Variants in NUP85 observed in about 807,000 individuals in gnomAD.
NUP85 encodes the protein nuclear pore complex protein Nup85.
In NUP85, 23 loss-of-function variants were observed where a neutral mutation model predicts 92.8. The ratio of observed to expected loss-of-function variants is 0.25; its 90% CI spans 0.18 to 0.35. The LOEUF is 0.35. NUP85 is among the 10% of genes least tolerant of loss of function. The pLI, the probability that NUP85 is intolerant of heterozygous loss-of-function variation, is 1.00. For missense variants in NUP85, 759 were observed against 822.8 expected, an observed-to-expected ratio of 0.92 and a Z score of 0.95; for synonymous variants, 314 against 306.9, an observed-to-expected ratio of 1.02 and a Z score of -0.24.
Position 75,231,742 on chromosome 17 carries a change from GAA to G in NUP85, c.1245-85_1245-84del. 3.7e-6 allele frequency: 6 copies of G among 1,606,734 alleles called. No individual in the cohort carries two copies. The highest frequency in any genetic ancestry group is 5.1e-6 in the Non-Finnish European group (6 of 1,174,042). On this transcript the variant is annotated intron_variant, in intron 13 of 18. Transcript: ENST00000245544. This position sits in a 1 kb window ranked among gnomAD's most constrained non-coding sequence, Gnocchi z 4.6. ...CCCAGTTGGCTCCTTGAAGGCTTCGGAAGGGTCAGTGAAAGGGAGCTGTAGGT... is the reference window on the plus strand; with the variant it reads ...CCCAGTTGGCTCCTTGAAGGCTTCGGGGGTCAGTGAAAGGGAGCTGTAGGT...
chr17:75,212,192 C>G (rs2075285239), intron 4 of NUP85, 130 bp downstream of exon 4: 1 of 299,760 alleles, frequency 3.3e-6, no homozygotes, highest in Admixed American at 5.6e-5. Context: ...ATTTTTCCAT[C>G]TTTCATAATC....
At position 75,209,878 on chromosome 17, in the gene NUP85, A is replaced by C. The variant is rs751090910; in HGVS notation, c.183A>C (p.Val61=). The part of the protein sequence containing the change: ...CPFIYIIRKD[V]DVYSQILRKL... ...TTATCTATATCATCCGTAAGGATGT[A>C]GATGTTTACTCTCAAATCTTGAGAA... Residue 61 remains valine (V), a synonymous_variant, in exon 3 of 19, where the codon GTA becomes GTC. Transcript: ENST00000245544. 1.3e-6 allele frequency: 2 copies of C among 1,587,402 alleles called. No individual in the cohort carries two copies. The highest frequency in any genetic ancestry group is 1.7e-6 in the Non-Finnish European group (2 of 1,172,984).
intron 3 of NUP85, among the ~76,000 whole-genome samples, chr17:75,210,827 G>A (rs529352186): frequency 1.3e-5 from 2 of 151,698 alleles, no homozygotes; most frequent in African/African-American, 4.8e-5. Flanking sequence ...TCAGCCTCCC[G>A]AGTAGCTGGG....
intron 7 of NUP85, among the ~76,000 whole-genome samples, chr17:75,222,952 G>T (rs1335086907): frequency 6.7e-6 from 1 of 149,674 alleles, no homozygotes; most frequent in African/African-American, 2.5e-5. Context: ...GGAGAATGGC[G>T]TGAACCTGGG....
Position 75,226,068 on chromosome 17 carries a change from T to G in NUP85, c.1005T>G (p.Phe335Leu). The G allele has an allele frequency of 6.2e-7, 1 of 1,614,164 alleles. No homozygotes were observed. Among genetic ancestry groups the G allele is most frequent in the Non-Finnish European group, 8.5e-7 (1 of 1,180,020 alleles). Residue 335 changes from phenylalanine to leucine, a missense_variant, in exon 11 of 19, where the codon TTT (phenylalanine) becomes TTG (leucine). Transcript: ENST00000245544. ...HYYAQSSLDL[F>L]LGGESSPEPL... ...TTCCACAGTCCAGCCTGGACCTGTT[T>G]CTGGGAGGTGAGAGCAGCCCAGAAC...
At position 75,212,249 on chromosome 17, in the gene NUP85, T is replaced by TG. The variant is rs1568069676; in HGVS notation, c.361+187_361+188insG. On this transcript the variant is annotated intron_variant, in intron 4 of 18. Coordinates refer to ENST00000245544, the MANE Select transcript of NUP85 (RefSeq NM_024844.5). ...TAGAGGTTTTTTTTTTTGTTGTTGT[T>TG]TTTTTTTTTTTTTTTTTTTTTTTTT... 9.2e-3 allele frequency among the ~76,000 whole-genome samples: 25 copies of TG among 2,704 alleles called. 2 individuals are homozygous for TG. The highest frequency in any genetic ancestry group is 0.044 in the South Asian group (4 of 90). The allele number at this position is 2,704 out of a possible 152,430, so 1.8% of individuals were successfully genotyped here. A position where few individuals can be genotyped will look rare whatever the true frequency, so the allele number is the denominator to read the frequency against.
At chr17:75,208,695 C>A in intron 2 of NUP85, 75 bp downstream of exon 2, 1 of 820,414 alleles carries the variant, frequency 1.2e-6, no homozygotes, top group South Asian at 1.4e-5. Flanking sequence ...TCAGATTTTA[C>A]TAGTTGTGGA....
Position 75,231,516 on chromosome 17 carries a change from G to C in NUP85, c.1179-57G>C. On this transcript the variant is annotated intron_variant, in intron 12 of 18. Coordinates refer to ENST00000245544, the MANE Select transcript of NUP85 (RefSeq NM_024844.5). This position sits in a 1 kb window ranked among gnomAD's most constrained non-coding sequence, Gnocchi z 4.6. ...ATGCCTGAAAGGGAGGTTGGGCTAA[G>C]GGGGCCCTGAACAGGGCAGGCCAGG... 6.2e-7 allele frequency: 1 copy of C among 1,610,702 alleles called. No homozygotes were observed. The highest frequency in any genetic ancestry group is 8.5e-7 in the Non-Finnish European group (1 of 1,176,868).
At chr17:75,233,256 G>T (rs2076147815) in intron 16 of NUP85, 98 bp downstream of exon 16, 4 of 926,316 alleles carry the variant, frequency 4.3e-6, no homozygotes, top group Non-Finnish European at 6.8e-6. Flanking sequence ...CTTCCTTCAT[G>T]TATTCCCATT....
chr17:75,215,294 C>T (rs543501057), intron 5 of NUP85, among the ~76,000 whole-genome samples: 3 of 152,308 alleles, frequency 2.0e-5, no homozygotes, highest in South Asian at 4.1e-4. Context: ...CACTCAGACT[C>T]AACTTCCTGG....
chr17:75,212,602 A>G (rs1328460122), intron 4 of NUP85, among the ~76,000 whole-genome samples: 2 of 150,720 alleles, frequency 1.3e-5, no homozygotes, highest in African/African-American at 4.9e-5. Flanking sequence ...CCTTCCAAGT[A>G]GTTGGGACTG....
Position 75,235,629 on chromosome 17 carries a change from C to G in NUP85, c.1921C>G (p.Arg641Gly), listed in dbSNP as rs1215583174. ...GGAAATGCTGAGACTTTCTCTGGCACGAAATCTTGCTCGGGCAATTATAAG... is the reference window on the plus strand; with the variant it reads ...GGAAATGCTGAGACTTTCTCTGGCAGGAAATCTTGCTCGGGCAATTATAAG... Reference protein sequence around the residue: ...KVEMLRLSLARNLARAIIREG... With the variant: ...KVEMLRLSLAGNLARAIIREG... Residue 641 changes from arginine (R) to glycine (G), a missense_variant, in exon 19 of 19, where the codon CGA becomes GGA. Coordinates refer to ENST00000245544, the MANE Select transcript of NUP85 (RefSeq NM_024844.5). 1.2e-5 allele frequency: 20 copies of G among 1,614,012 alleles called. No homozygotes were observed. Among genetic ancestry groups the G allele is most frequent in the Non-Finnish European group, 1.7e-5 (20 of 1,179,978 alleles).
chr17:75,233,535 C>T (rs1488000209), intron 16 of NUP85, among the ~76,000 whole-genome samples: 5 of 147,290 alleles, frequency 3.4e-5, no homozygotes, highest in African/African-American at 1.3e-4. Flanking sequence ...AATTCTCGTG[C>T]CTCAGCCTCC....
At position 75,215,657 on chromosome 17, in the gene NUP85, T is replaced by G. The variant is rs2075407831; in HGVS notation, c.406-97T>G. Reference sequence around the variant, plus strand: ...TTGCAGTAACCTTTGGGTTAAGGAATGACTGTCATATGAGTCAAAGTCTGC... The same window carrying G: ...TTGCAGTAACCTTTGGGTTAAGGAAGGACTGTCATATGAGTCAAAGTCTGC... On this transcript the variant is annotated intron_variant, in intron 5 of 18. Coordinates refer to ENST00000245544, the MANE Select transcript of NUP85 (RefSeq NM_024844.5). The G allele has an allele frequency of 1.1e-5, 12 of 1,095,150 alleles. No homozygotes were observed. In the South Asian group the frequency reaches 1.6e-4, roughly 15 times the overall value. 67.8% of individuals were successfully genotyped at this position (1,095,150 alleles called of 1,614,324 possible). A position where few individuals can be genotyped will look rare whatever the true frequency, so the allele number is the denominator to read the frequency against.
rs139623147 is a variant in NUP85, at chr17:75,233,569, G to A, written c.1615+411G>A. 9.7e-3 allele frequency among the ~76,000 whole-genome samples: 1,428 copies of A among 147,508 alleles called. 50 individuals carry two copies. Among genetic ancestry groups the A allele is most frequent in the East Asian group, 0.062 (312 of 5,008 alleles). On this transcript the variant is annotated intron_variant, in intron 16 of 18. Transcript: ENST00000245544. ...CCCAAGTAGCTGGGATTACAGGCACGCGGAACCACACCTGGCTAATTTTTG... is the reference window on the plus strand; with the variant it reads ...CCCAAGTAGCTGGGATTACAGGCACACGGAACCACACCTGGCTAATTTTTG...
intron 16 of NUP85, 101 bp downstream of exon 16, chr17:75,233,259 T>C: frequency 4.5e-6 from 4 of 891,170 alleles, no homozygotes; most frequent in Non-Finnish European, 7.2e-6. Context: ...CCTTCATGTA[T>C]TCCCATTGCA....
intron 10 of NUP85, 64 bp from the exon 11 acceptor site, chr17:75,225,987 G>A: frequency 1.2e-6 from 2 of 1,605,912 alleles, no homozygotes; most frequent in Non-Finnish European, 8.5e-7. Flanking sequence ...TTATACAGCA[G>A]CCCTGCCTGC....
chr17:75,228,196 G>A, intron 11 of NUP85: 1 of 985,390 alleles, frequency 1.0e-6, no homozygotes, highest in Non-Finnish European at 1.2e-6. Context: ...GAAGAAGTCT[G>A]TTGGATGCAG....
At chr17:75,229,792 G>A (rs1432797069) in intron 11 of NUP85, among the ~76,000 whole-genome samples, 1 of 152,280 alleles carries the variant, frequency 6.6e-6, no homozygotes, top group East Asian at 1.9e-4. Flanking sequence ...CACTGTCTCA[G>A]CCCTTCCTTC....
Sources: gnomAD v4.1 joint callset for allele counts (sites outside exome capture counted in the v4.1 genomes callset) on GRCh38, gnomAD v4.1.1 for gene constraint, Gnocchi (gnomAD v3.1) non-coding constraint, MANE v1.5 for transcripts, NCBI Gene and HGNC (gene_info 2026-07-23, HGNC 2026-07-21) for gene names.